The following ADGRE2 variants were observed in gnomAD, a reference collection of about 807,000 sequenced individuals.
The protein encoded by ADGRE2 is CD97 antigen.
In ADGRE2, 83 loss-of-function variants were observed where a neutral mutation model predicts 100.8. The observed-to-expected ratio is 0.82, with a 90% CI of 0.69 to 0.99. ADGRE2 has a LOEUF of 0.99. ADGRE2 is among the 50% of genes least tolerant of loss of function. The pLI, the probability that ADGRE2 is intolerant of heterozygous loss-of-function variation, is 0.00. For missense variants in ADGRE2, 814 were observed against 1,035.7 expected (o/e 0.79, Z 2.94); for synonymous variants, 355 against 413.0 (o/e 0.86, Z 1.70).
chr19:14,762,223 A>C (rs2043751463), intron 11 of ADGRE2, among the ~76,000 whole-genome samples: 1 of 152,144 alleles, frequency 6.6e-6, no homozygotes, highest in Admixed American at 6.6e-5. Flanking sequence ...AAAAGGTGGA[A>C]ACAACCCAAA....
downstream of ADGRE2, among the ~76,000 whole-genome samples, chr19:14,728,142 A>G (rs868704984): frequency 1.3e-5 from 2 of 152,292 alleles, no homozygotes; most frequent in Admixed American, 6.5e-5. Context: ...GAGCCTGGGA[A>G]GCGGAGCTTG....
chr19:14,751,394 G>T, intron 16 of ADGRE2, 42 bp downstream of exon 16: 1 of 1,475,016 alleles, frequency 6.8e-7, no homozygotes, highest in Non-Finnish European at 9.5e-7. Context: ...AATGGCCATG[G>T]TTATGCCGGA....
intron 20 of ADGRE2, among the ~76,000 whole-genome samples, chr19:14,742,620 G>T (rs892539127): frequency 6.6e-6 from 1 of 152,308 alleles, no homozygotes. Context: ...GTGGTAGTTG[G>T]TAGAGGCAGA....
At chr19:14,775,980 C>T (rs2044423275) in intron 2 of ADGRE2, among the ~76,000 whole-genome samples, 1 of 152,082 alleles carries the variant, frequency 6.6e-6, no homozygotes. Context: ...CCTGGCGGCC[C>T]ATCCTGAAAC....
the ADGRE2 span, among the ~76,000 whole-genome samples, chr19:14,726,278 C>CTT: frequency 6.6e-6 from 1 of 152,274 alleles, no homozygotes; most frequent in African/African-American, 2.4e-5. Flanking sequence ...CCCGCTAAAT[C>CTT]ATTCTTTTCT....
Position 14,738,089 on chromosome 19 carries a change from AAAGAT to A in ADGRE2, c.2464-1850_2464-1846del, listed in dbSNP as rs147459240. Among the ~76,000 whole-genome samples the A allele has an allele frequency of 7.0e-3, 1,063 of 152,308 alleles. 13 individuals are homozygous for A. Among genetic ancestry groups the A allele is most frequent in the African/African-American group, 0.024 (988 of 41,556 alleles). On this transcript the variant is annotated intron_variant, in intron 20 of 20. Transcript: ENST00000315576. ...AATTTGAATGTTATTAGTACAAAGA[AAAGAT>A]AAGTATTTAAGGTGATAGATATCTT...
At position 14,754,935 on chromosome 19, in the gene ADGRE2, C is replaced by T; in HGVS notation, c.1590+19G>A. ...ACACGGCAATAAATGCAGAGTGCATCCCCTCCTAAGGGTCTCACCTGCACA... is the reference window on the plus strand; with the variant it reads ...ACACGGCAATAAATGCAGAGTGCATTCCCTCCTAAGGGTCTCACCTGCACA... On this transcript the variant is annotated intron_variant, in intron 14 of 20. Transcript: ENST00000315576. 6.2e-7 allele frequency: 1 copy of T among 1,609,916 alleles called. No individual in the cohort carries two copies. The highest frequency in any genetic ancestry group is 8.5e-7 in the Non-Finnish European group (1 of 1,177,254).
At position 14,755,066 on chromosome 19, in the gene ADGRE2, C is replaced by A; in HGVS notation, c.1478G>T (p.Gly493Val). 1.2e-6 allele frequency: 2 copies of A among 1,614,028 alleles called. No individual in the cohort carries two copies. Among genetic ancestry groups the A allele is most frequent in the Admixed American group, 3.3e-5 (2 of 59,990 alleles). Residue 493 changes from glycine (G) to valine (V), a missense_variant, in exon 14 of 21, where the codon GGT becomes GTT. This residue lies in a region of ADGRE2 where 569 missense variants were observed against 692.7 expected (regional missense o/e 0.82). Transcript: ENST00000315576. ...GCTGCAGCCTGTGGTGGCCCAGTGA[C>A]CACATCCATTCTGGCCATGCTCCCA... is the stretch of plus-strand genomic sequence containing the variant. ...VFWEHGQNGCGHWATTGCSTI... is the reference protein window; with the variant it reads ...VFWEHGQNGCVHWATTGCSTI...
chr19:14,775,330 G>GT (rs1418401929), intron 2 of ADGRE2, among the ~76,000 whole-genome samples: 2 of 151,614 alleles, frequency 1.3e-5, no homozygotes, highest in African/African-American at 4.8e-5. Context: ...AATTTAAAAA[G>GT]TTATTTTAGA....
At position 14,733,898 on chromosome 19, in the gene ADGRE2, G is replaced by A. The variant is rs1257881056; in HGVS notation, c.*2338C>T. On this transcript the variant is annotated 3_prime_UTR_variant, in exon 21 of 21. Coordinates refer to ENST00000315576, the MANE Select transcript of ADGRE2 (RefSeq NM_013447.4). ...TAGAGGTACCAGGTTGCCAACAATG[G>A]TTACTTGGGGGGTAGCATTCAAAGT... 1 of 152,160 alleles carries A rather than the reference G, an allele frequency of 6.6e-6. No individual in the cohort carries two copies. The highest frequency in any genetic ancestry group is 1.5e-5 in the Non-Finnish European group (1 of 68,074). The allele number at this position is 152,160 out of a possible 1,614,324, so 9.4% of individuals were successfully genotyped here.
At chr19:14,724,975 A>G in the ADGRE2 span, among the ~76,000 whole-genome samples, 1 of 152,168 alleles carries the variant, frequency 6.6e-6, no homozygotes, top group Non-Finnish European at 1.5e-5. Flanking sequence ...GCATTACTAA[A>G]AAGGAATACC....
chr19:14,759,959 C>T (rs1739651849), intron 11 of ADGRE2, among the ~76,000 whole-genome samples: 1 of 151,964 alleles, frequency 6.6e-6, no homozygotes, highest in African/African-American at 2.4e-5. Context: ...GCTGGGACTA[C>T]AGGCACCCGC....
intron 5 of ADGRE2, among the ~76,000 whole-genome samples, chr19:14,770,717 T>TCACCCAG (rs1287553235): frequency 1.5e-5 from 2 of 133,974 alleles, no homozygotes; most frequent in Non-Finnish European, 3.1e-5. Flanking sequence ...TCTTGCTCTG[T>TCACCCAG]CACCCAGGCT....
chr19:14,738,578 A>T (rs1253066899), intron 20 of ADGRE2, among the ~76,000 whole-genome samples: 1 of 152,114 alleles, frequency 6.6e-6, no homozygotes, highest in Non-Finnish European at 1.5e-5. Flanking sequence ...GAATTTTGCC[A>T]TGTTACCCAG....
In ADGRE2 at chr19:14,741,128, G is replaced by C. The variant is rs1189277718; in HGVS notation, c.2463+2292C>G. On this transcript the variant is annotated intron_variant, in intron 20 of 20. Coordinates refer to ENST00000315576, the MANE Select transcript of ADGRE2 (RefSeq NM_013447.4). The stretch of plus-strand genomic sequence containing the variant: ...TTTTTTTTTGGCAGAGTATTGCTGT[G>C]TTGCCCAGGGTGGAGTACAGTGGCA... Among the ~76,000 whole-genome samples the C allele has an allele frequency of 7.8e-5, 10 of 128,124 alleles. No individual in the cohort carries two copies. In the East Asian group the frequency reaches 2.3e-3, roughly 30 times the overall value. 84.1% of individuals were successfully genotyped at this position (128,124 alleles called of 152,430 possible). A position where few individuals can be genotyped will look rare whatever the true frequency, so the allele number is the denominator to read the frequency against.
At chr19:14,736,858 TAG>T (rs377045803) in intron 20 of ADGRE2, among the ~76,000 whole-genome samples, 136 of 96,096 alleles carry the variant, frequency 1.4e-3, no homozygotes, top group African/African-American at 2.3e-3. Context: ...TAGAAATATA[TAG>T]ATATTTAATA....
chr19:14,737,222 C>G (rs936414341), intron 20 of ADGRE2, among the ~76,000 whole-genome samples: 1 of 149,602 alleles, frequency 6.7e-6, no homozygotes, highest in South Asian at 2.1e-4. Flanking sequence ...GGGCCTTGCT[C>G]TGTCACCCAG....
rs551770015 is a variant in ADGRE2, at chr19:14,747,570, C to T, written c.2025-608G>A. Among the ~76,000 whole-genome samples, 72 of 152,110 alleles carry T rather than the reference C, an allele frequency of 4.7e-4. No homozygotes were observed. The South Asian group carries it at 0.014, about 30-fold the overall frequency. On this transcript the variant is annotated intron_variant, in intron 16 of 20. Transcript: ENST00000315576. Reference sequence around the variant, plus strand: ...CCTGTAATCCCAGCACTTTGGGAGCCGAGGCGGGTGGATCATTTGATATCA... The same window carrying T: ...CCTGTAATCCCAGCACTTTGGGAGCTGAGGCGGGTGGATCATTTGATATCA...
At chr19:14,754,919 T>A in intron 14 of ADGRE2, 35 bp downstream of exon 14, 1 of 1,597,112 alleles carries the variant, frequency 6.3e-7, no homozygotes, top group East Asian at 2.2e-5. Context: ...TACACGGCAA[T>A]AAATGCAGAG....
Sources: allele counts gnomAD v4.1 joint callset (sites outside exome capture counted in the v4.1 genomes callset), GRCh38; gene constraint gnomAD v4.1.1; regional missense constraint gnomAD v4.1.1; transcripts MANE v1.5; gene names NCBI Gene and HGNC (gene_info 2026-07-23, HGNC 2026-07-21).